Variants in SPAG16 observed in about 807,000 individuals in gnomAD.
The protein encoded by SPAG16 is sperm-associated antigen 16 protein.
A neutral mutation model predicts 80.4 loss-of-function variants in SPAG16; 86 were observed. The observed-to-expected ratio is 1.07, with a 90% CI of 0.90 to 1.28. The LOEUF is 1.28. Ranked by LOEUF, SPAG16 falls within the 50% of genes most tolerant of loss-of-function variation. SPAG16 has a pLI of 0.00. For synonymous variants in SPAG16, 294 were observed against 265.9 expected (o/e 1.11, Z -1.03); for missense variants, 870 against 765.3 (o/e 1.14, Z -1.61).
At chr2:213,837,641 A>C (rs2074156797) in intron 10 of SPAG16, among the ~76,000 whole-genome samples, 1 of 152,254 alleles carries the variant, frequency 6.6e-6, no homozygotes. Context: ...ATTAGGCAGA[A>C]TAATGCACCC....
At chr2:213,616,173 A>G (rs2061590631) in intron 10 of SPAG16, among the ~76,000 whole-genome samples, 1 of 152,234 alleles carries the variant, frequency 6.6e-6, no homozygotes, top group African/African-American at 2.4e-5. Flanking sequence ...TTCAAACCCA[A>G]GCCCTCTGTG....
At chr2:213,822,250 G>C (rs1015399656) in intron 10 of SPAG16, among the ~76,000 whole-genome samples, 1 of 151,960 alleles carries the variant, frequency 6.6e-6, no homozygotes, top group Non-Finnish European at 1.5e-5. Context: ...TTTTAACTGG[G>C]GTGAAATTAT....
chr2:213,748,261 G>GA (rs1260037776), intron 10 of SPAG16, among the ~76,000 whole-genome samples: 5 of 151,976 alleles, frequency 3.3e-5, no homozygotes, highest in Non-Finnish European at 7.4e-5. Flanking sequence ...ATTCCTAAAT[G>GA]AAAAAATATT....
intron 9 of SPAG16, among the ~76,000 whole-genome samples, chr2:213,403,677 A>C (rs1015831407): frequency 6.6e-6 from 1 of 152,214 alleles, no homozygotes; most frequent in African/African-American, 2.4e-5. Context: ...CATCATTCCT[A>C]TTCAACATAG....
At chr2:214,070,322 C>G (rs1257034891) in intron 13 of SPAG16, among the ~76,000 whole-genome samples, 1 of 151,806 alleles carries the variant, frequency 6.6e-6, no homozygotes, top group Non-Finnish European at 1.5e-5. Flanking sequence ...ATTTACTTAT[C>G]TTTTTCTGTA....
chr2:213,397,953 T>A (rs1366835229), intron 9 of SPAG16, among the ~76,000 whole-genome samples: 1 of 152,292 alleles, frequency 6.6e-6, no homozygotes, highest in Admixed American at 6.5e-5. Context: ...TAAATGTCAT[T>A]TCTTCATTTC....
intron 10 of SPAG16, among the ~76,000 whole-genome samples, chr2:213,587,658 T>C (rs1358606448): frequency 1.3e-5 from 2 of 152,250 alleles, no homozygotes; most frequent in African/African-American, 4.8e-5. Context: ...TCTTATTCCT[T>C]TTAATATGGA....
At chr2:214,043,722 A>C (rs2049159584) in intron 13 of SPAG16, among the ~76,000 whole-genome samples, 1 of 152,166 alleles carries the variant, frequency 6.6e-6, no homozygotes, top group Admixed American at 6.5e-5. Context: ...TAGTGGCCGA[A>C]TTGCTTAGAT....
chr2:213,444,057 C>T (rs2071149368), intron 9 of SPAG16, among the ~76,000 whole-genome samples: 1 of 152,110 alleles, frequency 6.6e-6, no homozygotes, highest in Non-Finnish European at 1.5e-5. Flanking sequence ...TGAATAGATC[C>T]CCCTGGAAGT....
chr2:213,759,502 T>C (rs1456865588), intron 10 of SPAG16, among the ~76,000 whole-genome samples: 1 of 151,922 alleles, frequency 6.6e-6, no homozygotes, highest in Non-Finnish European at 1.5e-5. Context: ...GGTGGGGGAA[T>C]GGAGCTTTTG....
chr2:213,719,875 C>A (rs2066435513), intron 10 of SPAG16, among the ~76,000 whole-genome samples: 2 of 152,144 alleles, frequency 1.3e-5, no homozygotes, highest in South Asian at 4.1e-4. Flanking sequence ...CTACTGCAAA[C>A]ACACATGCAC....
chr2:214,045,101 G>T (rs73987140), intron 13 of SPAG16, among the ~76,000 whole-genome samples: 2,844 of 152,158 alleles, frequency 0.019, 89 homozygotes, highest in African/African-American at 0.065. Context: ...CCCAGCCCCA[G>T]GCTGCACAGC....
At chr2:214,012,738 A>C (rs906902479) in intron 12 of SPAG16, among the ~76,000 whole-genome samples, 1 of 152,186 alleles carries the variant, frequency 6.6e-6, no homozygotes, top group Non-Finnish European at 1.5e-5. Context: ...GTCATTACAC[A>C]TGAGGAGTGG....
At chr2:213,907,529 C>T (rs1171603001) in intron 11 of SPAG16, among the ~76,000 whole-genome samples, 3 of 151,790 alleles carry the variant, frequency 2.0e-5, no homozygotes, top group African/African-American at 4.8e-5. Context: ...AATCCCACTA[C>T]TGGTTATTTA....
At chr2:213,589,381 G>C (rs1340180874) in intron 10 of SPAG16, among the ~76,000 whole-genome samples, 1 of 152,170 alleles carries the variant, frequency 6.6e-6, no homozygotes, top group Non-Finnish European at 1.5e-5. Context: ...TTGATAAATG[G>C]AAAGTGCTAA....
chr2:214,206,110 C>T (rs888282257), intron 15 of SPAG16, among the ~76,000 whole-genome samples: 1 of 152,100 alleles, frequency 6.6e-6, no homozygotes. Context: ...GCAGGAGAAT[C>T]GCTTGAACCC....
At chr2:213,487,616 AGTT>A (rs1192963752) in intron 9 of SPAG16, among the ~76,000 whole-genome samples, 1 of 152,058 alleles carries the variant, frequency 6.6e-6, no homozygotes, top group Non-Finnish European at 1.5e-5. Flanking sequence ...TTTTTTAAAT[AGTT>A]GTTCAGTTAT....
At chr2:214,107,985 G>A (rs930091025) in intron 13 of SPAG16, among the ~76,000 whole-genome samples, 6 of 152,078 alleles carry the variant, frequency 3.9e-5, no homozygotes, top group Non-Finnish European at 5.9e-5. Flanking sequence ...GAATTTCAGT[G>A]TAGATACCAG....
At chr2:213,908,407 T>C (rs1209518061) in intron 11 of SPAG16, among the ~76,000 whole-genome samples, 1 of 152,212 alleles carries the variant, frequency 6.6e-6, no homozygotes, top group Non-Finnish European at 1.5e-5. Context: ...TGCAAAGTTA[T>C]TACAAATATT....
Sources: allele counts gnomAD v4.1 joint callset (sites outside exome capture counted in the v4.1 genomes callset), GRCh38; gene constraint gnomAD v4.1.1; transcripts MANE v1.5; gene names NCBI Gene and HGNC (gene_info 2026-07-23, HGNC 2026-07-21).